The following UGGT2 variants were observed in gnomAD, a reference collection of about 807,000 sequenced individuals.
UGGT2 encodes UDP-glucose glycoprotein glucosyltransferase 2, also known as UDP-glucose:glycoprotein glucosyltransferase 2.
A neutral mutation model predicts 192.1 loss-of-function variants in UGGT2; 180 were observed. That is an observed-to-expected ratio of 0.94 (90% CI 0.83 to 1.06). The LOEUF is 1.06. Among genes scored for constraint, UGGT2 ranks in the 50% least tolerant of loss-of-function variants. The pLI is 0.00. For synonymous variants in UGGT2, 580 were observed against 591.0 expected, an observed-to-expected ratio of 0.98 and a Z score of 0.27; for missense variants, 1,849 against 1,795.7, an observed-to-expected ratio of 1.03 and a Z score of -0.54.
At chr13:95,835,272 A>G (rs1206065211) in intron 37 of UGGT2, among the ~76,000 whole-genome samples, 2 of 152,172 alleles carry the variant, frequency 1.3e-5, no homozygotes, top group Admixed American at 1.3e-4. Context: ...GGGCTACTCA[A>G]TGACGGAGAT....
Position 95,877,799 on chromosome 13 carries a change from A to G in UGGT2, c.3286T>C (p.Cys1096Arg). Reference protein sequence around the residue: ...ELEYLLLEGQCFDKVTEQPPR... With the variant: ...ELEYLLLEGQRFDKVTEQPPR... ...GGCTGTTCTGTCACTTTATCAAAGC[A>G]TTGTCCTTCCAGTAGTAAGTATTCT... Residue 1096 changes from cysteine to arginine, a missense_variant, in exon 28 of 39, where the codon TGC becomes CGC. Physicochemically the swap from Cys to Arg is radical, Grantham distance 180. Transcript: ENST00000376747. 1.2e-6 allele frequency: 2 copies of G among 1,614,012 alleles called. No homozygotes were observed. Among genetic ancestry groups the G allele is most frequent in the East Asian group, 2.2e-5 (1 of 44,830 alleles).
chr13:95,907,905 G>C (rs958512737), intron 20 of UGGT2, among the ~76,000 whole-genome samples: 2 of 152,190 alleles, frequency 1.3e-5, no homozygotes, highest in Non-Finnish European at 2.9e-5. Flanking sequence ...ACTTTGATGA[G>C]TTGACAGAAG....
At chr13:95,957,469 T>C (rs1165970493) in intron 12 of UGGT2, among the ~76,000 whole-genome samples, 3 of 152,196 alleles carry the variant, frequency 2.0e-5, no homozygotes, top group Admixed American at 1.3e-4. Context: ...AGCAGTCTTA[T>C]CAGTGCTTAT....
intron 10 of UGGT2, among the ~76,000 whole-genome samples, chr13:95,979,185 A>T (rs1352082614): frequency 6.6e-6 from 1 of 152,162 alleles, no homozygotes; most frequent in Non-Finnish European, 1.5e-5. Flanking sequence ...GACAATTTAA[A>T]ATCACCAAAA....
intron 20 of UGGT2, among the ~76,000 whole-genome samples, chr13:95,914,281 C>G (rs994174930): frequency 6.6e-6 from 1 of 151,182 alleles, no homozygotes; most frequent in African/African-American, 2.4e-5. Flanking sequence ...ATGATATATT[C>G]AAAGTGTTAA....
Position 95,856,231 on chromosome 13 carries a change from C to T in UGGT2, c.3935G>A (p.Gly1312Asp), listed in dbSNP as rs1889599832. 4 of 1,613,594 alleles carry T rather than the reference C, an allele frequency of 2.5e-6. No individual in the cohort carries two copies. In the East Asian group the frequency reaches 8.9e-5, roughly 36 times the overall value. Residue 1312 changes from glycine (G) to aspartate (D), a missense_variant, in exon 34 of 39, where the codon GGT becomes GAT. Transcript: ENST00000376747. The part of the protein sequence containing the change: ...QQTERQRIIW[G>D]YKILFLDVLF... ...AACATCAAGGAAAAGAATTTTGTAACCCCAAATAATCCTCTGTCTTTCAGT... is the reference window on the plus strand; with the variant it reads ...AACATCAAGGAAAAGAATTTTGTAATCCCAAATAATCCTCTGTCTTTCAGT...
At chr13:96,007,194 C>T (rs1444437987) in intron 5 of UGGT2, among the ~76,000 whole-genome samples, 1 of 152,046 alleles carries the variant, frequency 6.6e-6, no homozygotes, top group Non-Finnish European at 1.5e-5. Context: ...AACACAAAAA[C>T]CATATGATAA....
At chr13:95,843,152 T>C (rs968716416) in intron 36 of UGGT2, among the ~76,000 whole-genome samples, 1 of 152,238 alleles carries the variant, frequency 6.6e-6, no homozygotes, top group East Asian at 1.9e-4. Context: ...TAATGACTAA[T>C]CATATGGCAG....
chr13:95,927,139 A>C lies in UGGT2; in HGVS notation c.2102-13T>G, dbSNP rs749133133. 1 of 1,606,042 alleles carries C rather than the reference A, an allele frequency of 6.2e-7. No individual in the cohort carries two copies. The highest frequency in any genetic ancestry group is 8.5e-7 in the Non-Finnish European group (1 of 1,177,586). Reference sequence around the variant, plus strand: ...ACATCAGCAGTTACTGAAAAATTTCAAATTAAACGTTAAATATAAATAAAG... The same window carrying C: ...ACATCAGCAGTTACTGAAAAATTTCCAATTAAACGTTAAATATAAATAAAG... On this transcript the variant is annotated splice_polypyrimidine_tract_variant and intron_variant, in intron 18 of 38. Transcript: ENST00000376747.
chr13:95,831,923 T>G (rs1382010580), intron 38 of UGGT2, among the ~76,000 whole-genome samples: 1 of 151,616 alleles, frequency 6.6e-6, no homozygotes, highest in East Asian at 1.9e-4. Context: ...TCATACCACT[T>G]ACAGAATATT....
intron 12 of UGGT2, among the ~76,000 whole-genome samples, chr13:95,962,145 A>G (rs974618569): frequency 2.6e-5 from 4 of 152,202 alleles, no homozygotes; most frequent in African/African-American, 9.6e-5. Flanking sequence ...AAAGATTCAA[A>G]TAAACAATTT....
intron 17 of UGGT2, among the ~76,000 whole-genome samples, chr13:95,931,314 C>T (rs1199615075): frequency 6.6e-6 from 1 of 152,176 alleles, no homozygotes; most frequent in Non-Finnish European, 1.5e-5. Context: ...TATTCACAAT[C>T]CCTCAGCTAC....
At chr13:95,991,111 T>C (rs896193533) in intron 7 of UGGT2, 1 of 162,922 alleles carries the variant, frequency 6.1e-6, no homozygotes, top group East Asian at 1.7e-4. Context: ...ATTTTCTTTA[T>C]CCAGTCTATC....
intron 11 of UGGT2, among the ~76,000 whole-genome samples, chr13:95,970,473 C>T (rs1555367188): frequency 6.6e-6 from 1 of 151,822 alleles, no homozygotes; most frequent in Non-Finnish European, 1.5e-5. Context: ...GTAGTAAAAA[C>T]TTATTATTAT....
chr13:95,992,168 CAAAGA>C (rs2051478422), intron 7 of UGGT2, among the ~76,000 whole-genome samples: 1 of 151,186 alleles, frequency 6.6e-6, no homozygotes, highest in South Asian at 2.1e-4. Context: ...GACTCCGTCT[CAAAGA>C]AAAGAAAAAA....
intron 1 of UGGT2, 22 bp from the exon 2 acceptor site, chr13:96,031,993 TC>T: frequency 2.6e-6 from 4 of 1,552,758 alleles, no homozygotes; most frequent in Non-Finnish European, 3.5e-6. Context: ...ATAGAAGTAA[TC>T]GGTTAGTAGA....
chr13:96,026,078 G>C lies in UGGT2; in HGVS notation c.242-2319C>G, dbSNP rs560427919. Among the ~76,000 whole-genome samples, 4 of 151,844 alleles carry C rather than the reference G, an allele frequency of 2.6e-5. No individual in the cohort carries two copies. In the East Asian group the frequency reaches 7.8e-4, roughly 30 times the overall value. ...ATAATTAAAGAAAACTATAATCCAA[G>C]AAAACTTTCCAGAATTAAAAATAAT... On this transcript the variant is annotated intron_variant, in intron 2 of 38. Transcript: ENST00000376747.
intron 27 of UGGT2, among the ~76,000 whole-genome samples, chr13:95,883,121 T>C (rs534095181): frequency 6.6e-6 from 1 of 152,220 alleles, no homozygotes; most frequent in African/African-American, 2.4e-5. Flanking sequence ...TTGGGAGTGA[T>C]GGGGAGTATG....
chr13:95,925,810 T>C (rs919196467), intron 19 of UGGT2, 36 bp from the exon 20 acceptor site: 3 of 1,445,142 alleles, frequency 2.1e-6, no homozygotes, highest in East Asian at 2.4e-5. Flanking sequence ...AATTAACTTT[T>C]TTTTTAAAAA....
Sources: allele counts gnomAD v4.1 joint callset (sites outside exome capture counted in the v4.1 genomes callset), GRCh38; gene constraint gnomAD v4.1.1; transcripts MANE v1.5; gene names NCBI Gene and HGNC (gene_info 2026-07-23, HGNC 2026-07-21).